SPAG16: variants seen among roughly 807,000 people sequenced by gnomAD.
The protein encoded by SPAG16 is sperm-associated antigen 16 protein.
Under a neutral mutation model 80.4 loss-of-function variants are expected in SPAG16, and 86 were observed. The observed-to-expected ratio is 1.07, with a 90% CI of 0.90 to 1.28. SPAG16 has a LOEUF of 1.28. Ranked by LOEUF, SPAG16 falls within the 50% of genes most tolerant of loss-of-function variation. The pLI, the probability that SPAG16 is intolerant of heterozygous loss-of-function variation, is 0.00. For missense variants in SPAG16, 870 were observed against 765.3 expected (o/e 1.14, Z -1.61); for synonymous variants, 294 against 265.9 (o/e 1.11, Z -1.03).
chr2:214,192,827 T>C (rs959293936), intron 15 of SPAG16, among the ~76,000 whole-genome samples: 1 of 152,068 alleles, frequency 6.6e-6, no homozygotes, highest in Non-Finnish European at 1.5e-5. Flanking sequence ...TTGTAAAAAA[T>C]AAGTAATGAG....
chr2:214,025,855 C>T (rs530833252), intron 13 of SPAG16, among the ~76,000 whole-genome samples: 1 of 151,324 alleles, frequency 6.6e-6, no homozygotes. Flanking sequence ...GACACTTGTG[C>T]ATTCTATATA....
At chr2:214,358,063 G>A (rs1312430568) in intron 15 of SPAG16, among the ~76,000 whole-genome samples, 1 of 151,946 alleles carries the variant, frequency 6.6e-6, no homozygotes, top group African/African-American at 2.4e-5. Context: ...TCTTTCTGAA[G>A]TGCAAGTTTT....
chr2:214,120,329 A>G (rs2054152779), intron 14 of SPAG16, among the ~76,000 whole-genome samples: 1 of 151,700 alleles, frequency 6.6e-6, no homozygotes. Context: ...TTTCTATTTC[A>G]ATTACTACAT....
chr2:213,727,592 A>G (rs777150127), intron 10 of SPAG16, among the ~76,000 whole-genome samples: 1 of 152,204 alleles, frequency 6.6e-6, no homozygotes, highest in Non-Finnish European at 1.5e-5. Flanking sequence ...GTTTCTACAT[A>G]GCAATTGCGT....
intron 10 of SPAG16, among the ~76,000 whole-genome samples, chr2:213,729,742 G>A (rs1021836961): frequency 6.6e-6 from 1 of 152,152 alleles, no homozygotes; most frequent in Admixed American, 6.5e-5. Flanking sequence ...TCAAAATGAG[G>A]ATATTTGGGA....
chr2:213,433,292 T>C (rs976495740), intron 9 of SPAG16, among the ~76,000 whole-genome samples: 1 of 152,102 alleles, frequency 6.6e-6, no homozygotes, highest in Non-Finnish European at 1.5e-5. Flanking sequence ...GCATCCATGT[T>C]GGAAAAAAGG....
At chr2:214,343,409 G>A (rs1055376407) in intron 15 of SPAG16, among the ~76,000 whole-genome samples, 4 of 152,084 alleles carry the variant, frequency 2.6e-5, no homozygotes, top group Admixed American at 1.3e-4. Flanking sequence ...CATGAGTAAT[G>A]AGGGTAAAGC....
intron 10 of SPAG16, among the ~76,000 whole-genome samples, chr2:213,787,864 A>G (rs927736420): frequency 6.6e-6 from 1 of 152,040 alleles, no homozygotes; most frequent in African/African-American, 2.4e-5. Flanking sequence ...AACTTCTAGG[A>G]ATTAAAAATC....
At chr2:214,131,028 A>T (rs772736539) in intron 14 of SPAG16, among the ~76,000 whole-genome samples, 4 of 152,178 alleles carry the variant, frequency 2.6e-5, no homozygotes, top group Non-Finnish European at 5.9e-5. Context: ...GTCTATATTC[A>T]ATTCCTTCAG....
At chr2:214,262,217 A>C (rs1343582841) in intron 15 of SPAG16, among the ~76,000 whole-genome samples, 1 of 152,146 alleles carries the variant, frequency 6.6e-6, no homozygotes, top group East Asian at 1.9e-4. Context: ...AACTGCTCTT[A>C]GCATGAGAAA....
chr2:214,234,259 G>A (rs1337685504), intron 15 of SPAG16, among the ~76,000 whole-genome samples: 2 of 152,120 alleles, frequency 1.3e-5, no homozygotes, highest in Non-Finnish European at 2.9e-5. Context: ...TGGTGTATAT[G>A]TACCACATTT....
At chr2:213,654,466 G>A (rs2125157891) in intron 10 of SPAG16, among the ~76,000 whole-genome samples, 1 of 151,188 alleles carries the variant, frequency 6.6e-6, no homozygotes, top group Admixed American at 6.6e-5. Flanking sequence ...GGAGGCCAGG[G>A]CGGGTGGATC....
At chr2:213,292,231 C>T (rs2062303807) in intron 1 of SPAG16, among the ~76,000 whole-genome samples, 1 of 152,130 alleles carries the variant, frequency 6.6e-6, no homozygotes, top group African/African-American at 2.4e-5. Context: ...TGAAGGATGG[C>T]ATTGCTTTTC....
intron 15 of SPAG16, among the ~76,000 whole-genome samples, chr2:214,365,979 G>GTA (rs1699453977): frequency 1.4e-5 from 2 of 140,742 alleles, no homozygotes; most frequent in Admixed American, 1.4e-4. Context: ...TATTTGCCAG[G>GTA]TTTTTTTTTT....
At chr2:214,200,133 T>C (rs750241967) in intron 15 of SPAG16, among the ~76,000 whole-genome samples, 2 of 152,118 alleles carry the variant, frequency 1.3e-5, no homozygotes, top group African/African-American at 4.8e-5. Context: ...GGACCTCCAG[T>C]ACTATGTTAA....
chr2:213,686,091 A>G (rs2064655507), intron 10 of SPAG16, among the ~76,000 whole-genome samples: 1 of 152,114 alleles, frequency 6.6e-6, no homozygotes, highest in Admixed American at 6.5e-5. Context: ...TCTAAACCCA[A>G]AATTTTCCTA....
At chr2:213,320,604 TCC>T (rs1334681772) in intron 5 of SPAG16, among the ~76,000 whole-genome samples, 1 of 152,008 alleles carries the variant, frequency 6.6e-6, no homozygotes, top group Non-Finnish European at 1.5e-5. Context: ...ATTATCATTC[TCC>T]CTGCTACCTC....
intron 15 of SPAG16, among the ~76,000 whole-genome samples, chr2:214,211,441 A>C (rs893075877): frequency 1.3e-5 from 2 of 152,218 alleles, no homozygotes; most frequent in Non-Finnish European, 2.9e-5. Context: ...TTTCAGAATG[A>C]AGTGAAATAA....
intron 5 of SPAG16, among the ~76,000 whole-genome samples, chr2:213,331,622 A>G (rs773127112): frequency 6.6e-6 from 1 of 152,214 alleles, no homozygotes; most frequent in Non-Finnish European, 1.5e-5. Flanking sequence ...ATGATAGACT[A>G]TATGTTAGGT....
Sources: gnomAD v4.1 joint callset for allele counts (sites outside exome capture counted in the v4.1 genomes callset) on GRCh38, gnomAD v4.1.1 for gene constraint, MANE v1.5 for transcripts, NCBI Gene and HGNC (gene_info 2026-07-23, HGNC 2026-07-21) for gene names.